GALNTL6: variants seen among roughly 807,000 people sequenced by gnomAD.
GALNTL6 encodes the protein polypeptide N-acetylgalactosaminyltransferase like 6.
Under a neutral mutation model 73.7 loss-of-function variants are expected in GALNTL6, and 46 were observed. That is an observed-to-expected ratio of 0.62 (90% CI 0.49 to 0.80). The LOEUF (loss-of-function observed/expected upper bound fraction) is 0.80, where lower values mean the gene tolerates loss of function less well. Ranked by LOEUF, GALNTL6 falls within the 30% of genes least tolerant of loss-of-function variation. The pLI, the probability that GALNTL6 is intolerant of heterozygous loss-of-function variation, is 0.00. For synonymous variants in GALNTL6, 259 were observed against 263.7 expected, an observed-to-expected ratio of 0.98 and a Z score of 0.17; for missense variants, 604 against 755.0, an observed-to-expected ratio of 0.80 and a Z score of 2.34.
chr4:172,881,178 T>C (rs1007922883), intron 7 of GALNTL6, among the ~76,000 whole-genome samples: 2 of 152,194 alleles, frequency 1.3e-5, no homozygotes, highest in South Asian at 2.1e-4. Context: ...AAAGTGTTCT[T>C]TGGGGAACTG....
chr4:172,232,052 A>T (rs375921385), intron 3 of GALNTL6, among the ~76,000 whole-genome samples: 2 of 152,092 alleles, frequency 1.3e-5, no homozygotes, highest in Admixed American at 6.5e-5. Context: ...ATATACTAGA[A>T]TATTATTTTT....
intron 2 of GALNTL6, among the ~76,000 whole-genome samples, chr4:172,193,660 A>G (rs1046506174): frequency 6.6e-6 from 1 of 152,056 alleles, no homozygotes; most frequent in Non-Finnish European, 1.5e-5. Flanking sequence ...CAGGAGATCT[A>G]GACCATCCTG....
At chr4:171,941,320 A>T (rs1738537177) in intron 2 of GALNTL6, among the ~76,000 whole-genome samples, 1 of 152,340 alleles carries the variant, frequency 6.6e-6, no homozygotes, top group South Asian at 2.1e-4. Context: ...TTTATTTGAA[A>T]AAAAAGAAAA....
chr4:172,009,706 C>T (rs762966168), intron 2 of GALNTL6, among the ~76,000 whole-genome samples: 12 of 151,994 alleles, frequency 7.9e-5, no homozygotes, highest in Non-Finnish European at 1.8e-4. Context: ...GTTTCTTTTG[C>T]TTTACCATGA....
intron 2 of GALNTL6, among the ~76,000 whole-genome samples, chr4:172,145,068 C>T (rs531933876): frequency 4.6e-5 from 7 of 152,214 alleles, no homozygotes; most frequent in African/African-American, 1.4e-4. Flanking sequence ...GGTGATCCTC[C>T]CACCTCAGCC....
chr4:171,890,950 G>C (rs1439957250), intron 2 of GALNTL6, among the ~76,000 whole-genome samples: 1 of 152,064 alleles, frequency 6.6e-6, no homozygotes, highest in Non-Finnish European at 1.5e-5. Context: ...ATAACTTCAT[G>C]TTGTCGTCAT....
rs140433711 is a variant in GALNTL6, at chr4:171,922,072, A to ATG, written c.138+107373_138+107374dup. 9.2e-3 allele frequency among the ~76,000 whole-genome samples: 1,374 copies of ATG among 148,700 alleles called. 21 individuals carry two copies. The highest frequency in any genetic ancestry group is 0.024 in the African/African-American group (984 of 40,848). On this transcript the variant is annotated intron_variant, in intron 2 of 12. Coordinates refer to ENST00000506823, the MANE Select transcript of GALNTL6 (RefSeq NM_001034845.3). ...ATGACAGAAATTATAGTTTCATAGT[A>ATG]TGTGTGTGTGTGTGTGTGTGGTGTG...
intron 5 of GALNTL6, among the ~76,000 whole-genome samples, chr4:172,576,540 G>A (rs142174354): frequency 2.0e-5 from 3 of 152,226 alleles, no homozygotes; most frequent in African/African-American, 7.2e-5. Context: ...CCTGTCTTTT[G>A]CCATTTGTTA....
intron 2 of GALNTL6, among the ~76,000 whole-genome samples, chr4:171,946,628 G>A (rs763083677): frequency 1.6e-4 from 24 of 152,140 alleles, no homozygotes; most frequent in Non-Finnish European, 2.9e-4. Context: ...TTTGAAGATT[G>A]TGATACATGT....
intron 5 of GALNTL6, among the ~76,000 whole-genome samples, chr4:172,429,751 A>G (rs1292396225): frequency 2.6e-5 from 4 of 152,186 alleles, no homozygotes; most frequent in Non-Finnish European, 4.4e-5. Context: ...AGAAAGGAGG[A>G]AAGAAATCCT....
intron 2 of GALNTL6, among the ~76,000 whole-genome samples, chr4:171,988,213 CCG>C (rs1740174322): frequency 6.6e-6 from 1 of 152,102 alleles, no homozygotes. Flanking sequence ...AGAATTCTGA[CCG>C]CACTAAGCAT....
At chr4:171,916,447 T>C (rs577974909) in intron 2 of GALNTL6, among the ~76,000 whole-genome samples, 1 of 152,168 alleles carries the variant, frequency 6.6e-6, no homozygotes, top group Non-Finnish European at 1.5e-5. Context: ...TTCTTTCATA[T>C]ATACTGCTGG....
intron 5 of GALNTL6, among the ~76,000 whole-genome samples, chr4:172,731,888 AT>A (rs1394990996): frequency 6.6e-6 from 1 of 151,866 alleles, no homozygotes; most frequent in Non-Finnish European, 1.5e-5. Context: ...TGTATTTCAT[AT>A]TTTTCAGAGA....
chr4:172,934,904 T>A (rs1398077493), intron 9 of GALNTL6, among the ~76,000 whole-genome samples: 1 of 152,218 alleles, frequency 6.6e-6, no homozygotes, highest in Non-Finnish European at 1.5e-5. Flanking sequence ...GGTTTTTATG[T>A]GAGCCAAGCA....
rs36214606 is a variant in GALNTL6, at chr4:171,953,225, C to CGTGTGTGTGTGTGTGT, written c.138+138532_138+138547dup. Among the ~76,000 whole-genome samples the CGTGTGTGTGTGTGTGT allele has an allele frequency of 2.7e-5, 4 of 147,024 alleles. No homozygotes were observed. The East Asian group carries it at 6.1e-4, about 22-fold the overall frequency. ...AATTAAAATGGTGTGCGCATGCGCA[C>CGTGTGTGTGTGTGTGT]GTGTGTGTGTGTGTGTGTGTGTGTG... On this transcript the variant is annotated intron_variant, in intron 2 of 12. Coordinates refer to ENST00000506823, the MANE Select transcript of GALNTL6 (RefSeq NM_001034845.3).
At chr4:172,540,863 G>T (rs940657798) in intron 5 of GALNTL6, among the ~76,000 whole-genome samples, 3 of 152,154 alleles carry the variant, frequency 2.0e-5, no homozygotes, top group African/African-American at 7.2e-5. Context: ...CATAGGAAGC[G>T]GACCAGCAGA....
chr4:171,954,906 T>C (rs1738998627), intron 2 of GALNTL6, among the ~76,000 whole-genome samples: 1 of 152,144 alleles, frequency 6.6e-6, no homozygotes, highest in African/African-American at 2.4e-5. Flanking sequence ...CTGCTTCCCT[T>C]TTGCCTTCTA....
intron 2 of GALNTL6, among the ~76,000 whole-genome samples, chr4:171,882,579 A>AC (rs1335029629): frequency 1.3e-5 from 2 of 152,084 alleles, no homozygotes; most frequent in East Asian, 3.9e-4. Flanking sequence ...AGGCCCGAGA[A>AC]CCCCCGGGCA....
intron 2 of GALNTL6, among the ~76,000 whole-genome samples, chr4:172,069,591 A>ATAACT (rs1731487055): frequency 1.4e-5 from 1 of 73,724 alleles, no homozygotes; most frequent in Non-Finnish European, 3.2e-5. Context: ...TATTATATAT[A>ATAACT]TAACACATAT....
Sources: allele counts gnomAD v4.1 joint callset (sites outside exome capture counted in the v4.1 genomes callset), GRCh38; gene constraint gnomAD v4.1.1; transcripts MANE v1.5; gene names NCBI Gene and HGNC (gene_info 2026-07-23, HGNC 2026-07-21).